Variants in RABGEF1 observed in about 807,000 individuals in gnomAD.
The protein encoded by RABGEF1 is rab5 GDP/GTP exchange factor.
A neutral mutation model predicts 57.3 loss-of-function variants in RABGEF1; 26 were observed. The observed-to-expected ratio is 0.45, with a 90% confidence interval of 0.33 to 0.63. The LOEUF (loss-of-function observed/expected upper bound fraction) is 0.63, where lower values mean the gene tolerates loss of function less well. Among genes scored for constraint, RABGEF1 ranks in the 20% least tolerant of loss-of-function variants. The pLI is 0.02. For synonymous variants in RABGEF1, 185 were observed against 210.7 expected (o/e 0.88, Z 1.06); for missense variants, 464 against 607.6 (o/e 0.76, Z 2.48).
chr7:66,679,311 GTTTT>G (rs1008201091), upstream of RABGEF1, among the ~76,000 whole-genome samples: 2 of 151,590 alleles, frequency 1.3e-5, no homozygotes, highest in Non-Finnish European at 1.5e-5. Flanking sequence ...CTTGGTTGCA[GTTTT>G]TTTTTCTTTT....
At chr7:66,755,562 G>A (rs1802514547) in intron 1 of RABGEF1, among the ~76,000 whole-genome samples, 1 of 152,190 alleles carries the variant, frequency 6.6e-6, no homozygotes, top group Admixed American at 6.5e-5. Flanking sequence ...TGTTACCTTA[G>A]GTGGAGTTAG....
intron 1 of RABGEF1, among the ~76,000 whole-genome samples, chr7:66,706,657 G>A (rs917139271): frequency 4.7e-5 from 7 of 150,012 alleles, no homozygotes; most frequent in Non-Finnish European, 8.9e-5. Context: ...CTCATGATCC[G>A]CCCGCCTCGG....
intron 2 of RABGEF1, among the ~76,000 whole-genome samples, chr7:66,725,360 C>T (rs533530454): frequency 1.2e-4 from 18 of 152,226 alleles, no homozygotes; most frequent in Non-Finnish European, 1.9e-4. Context: ...TCCCACAGTC[C>T]CTCCATTCTG....
intron 7 of RABGEF1, among the ~76,000 whole-genome samples, chr7:66,803,315 C>T (rs62464653): frequency 0.037 from 5,576 of 152,296 alleles, 161 homozygotes; most frequent in East Asian, 0.085. Flanking sequence ...CAGGGATGAT[C>T]TAAAAGCTGA....
intron 1 of RABGEF1, among the ~76,000 whole-genome samples, chr7:66,748,291 T>C (rs1800693484): frequency 6.6e-6 from 1 of 152,206 alleles, no homozygotes. Context: ...CTTAGATCTC[T>C]AGGCTGATTT....
At chr7:66,728,703 A>G (rs1342983102) in intron 2 of RABGEF1, among the ~76,000 whole-genome samples, 2 of 5,104 alleles carry the variant, frequency 3.9e-4, no homozygotes, top group Non-Finnish European at 9.0e-4. Context: ...TCCTCACCTC[A>G]ACTTTCAGCT....
chr7:66,693,894 G>A (rs1309475872), intron 1 of RABGEF1, among the ~76,000 whole-genome samples: 3 of 150,644 alleles, frequency 2.0e-5, no homozygotes, highest in Non-Finnish European at 2.9e-5. Flanking sequence ...CGTAACCTCC[G>A]CCTCTGGGGC....
At position 66,772,014 on chromosome 7, in the gene RABGEF1, T is replaced by C; in HGVS notation, c.115T>C (p.Trp39Arg). 6.3e-7 allele frequency: 1 copy of C among 1,597,186 alleles called. No homozygotes were observed. Among genetic ancestry groups the C allele is most frequent in the African/African-American group, 1.3e-5 (1 of 74,140 alleles). ...CTGGCAGGGTTTCTGCTCCAAGTGC[T>C]GGAGGGAAGAGTACCACAAAGCCAG... is the stretch of plus-strand genomic sequence containing the variant. ...PAWQGFCSKC[W>R]REEYHKARQK... Residue 39 changes from tryptophan to arginine, a missense_variant, in exon 2 of 9, where the codon TGG becomes CGG. Physicochemically the swap from Trp to Arg is moderately radical, Grantham distance 101. Around this residue, in one of 4 missense-constraint regions of RABGEF1, gnomAD observed 12 missense variants for 46.0 expected, o/e 0.26. Transcript: ENST00000284957.
At chr7:66,665,993 G>A in the RABGEF1 span, 1 of 152,876 alleles carries the variant, frequency 6.5e-6, no homozygotes, top group Admixed American at 6.5e-5. Flanking sequence ...GCGAGGCTGA[G>A]TGGGAATATT....
chr7:66,773,825 C>T (rs1370722612), intron 2 of RABGEF1: 1 of 425,366 alleles, frequency 2.4e-6, no homozygotes, highest in East Asian at 7.2e-5. Context: ...GCCACCATGC[C>T]CAGCTAAGTT....
intron 2 of RABGEF1, among the ~76,000 whole-genome samples, chr7:66,714,858 C>T (rs987124891): frequency 2.0e-5 from 3 of 152,146 alleles, no homozygotes; most frequent in African/African-American, 7.2e-5. Flanking sequence ...TGGTGTGAAC[C>T]CGGGAGGCGG....
chr7:66,790,770 C>T (rs1330242997), intron 4 of RABGEF1, among the ~76,000 whole-genome samples: 1 of 152,156 alleles, frequency 6.6e-6, no homozygotes, highest in East Asian at 1.9e-4. Flanking sequence ...TAATGAACTC[C>T]TATTCAGGAA....
intron 7 of RABGEF1, among the ~76,000 whole-genome samples, chr7:66,803,092 A>G (rs765179860): frequency 1.3e-5 from 2 of 152,238 alleles, no homozygotes; most frequent in Non-Finnish European, 2.9e-5. Flanking sequence ...AAATAGATCA[A>G]TGTAACAATA....
the RABGEF1 span, among the ~76,000 whole-genome samples, chr7:66,671,954 A>T: frequency 6.6e-6 from 1 of 151,200 alleles, no homozygotes; most frequent in African/African-American, 2.4e-5. Context: ...GTAGCTGGGA[A>T]TAGAGGTGCA....
chr7:66,785,988 A>G (rs1811103868), intron 4 of RABGEF1, among the ~76,000 whole-genome samples: 1 of 152,338 alleles, frequency 6.6e-6, no homozygotes, highest in South Asian at 2.1e-4. Context: ...GGCCTATGCA[A>G]TATGAAAATC....
At chr7:66,685,086 C>T (rs1354900114) in intron 1 of RABGEF1, among the ~76,000 whole-genome samples, 1 of 151,378 alleles carries the variant, frequency 6.6e-6, no homozygotes, top group Admixed American at 6.6e-5. Context: ...TTTTATGTAG[C>T]TCTTACGTAC....
intron 1 of RABGEF1, chr7:66,768,895 C>T (rs1291447207): frequency 2.0e-5 from 3 of 152,054 alleles, no homozygotes; most frequent in South Asian, 2.1e-4. Flanking sequence ...CATTTGAGAC[C>T]AAGGATAGAG....
At chr7:66,722,170 G>A (rs1307400415) in intron 2 of RABGEF1, among the ~76,000 whole-genome samples, 17 of 151,948 alleles carry the variant, frequency 1.1e-4, no homozygotes, top group East Asian at 3.9e-4. Context: ...GGCTGGGTAC[G>A]GTGGCTCACG....
intron 1 of RABGEF1, among the ~76,000 whole-genome samples, chr7:66,759,195 A>G (rs746409812): frequency 1.3e-5 from 2 of 152,136 alleles, no homozygotes; most frequent in African/African-American, 2.4e-5. Context: ...GGCTGCCCCC[A>G]GGTTTCGTAA....
Sources: gnomAD v4.1 joint callset for allele counts (sites outside exome capture counted in the v4.1 genomes callset) on GRCh38, gnomAD v4.1.1 for gene constraint, gnomAD v4.1.1 regional missense constraint, MANE v1.5 for transcripts, NCBI Gene and HGNC (gene_info 2026-07-23, HGNC 2026-07-21) for gene names.